The following TRPM3 variants were observed in gnomAD, a reference collection of about 807,000 sequenced individuals.
TRPM3 encodes transient receptor potential cation channel subfamily M member 3, also known as long transient receptor potential channel 3.
In TRPM3, 77 loss-of-function variants were observed where a neutral mutation model predicts 181.2. The observed-to-expected ratio is 0.42, with a 90% confidence interval of 0.35 to 0.51. TRPM3 has a LOEUF of 0.51. Ranked by LOEUF, TRPM3 falls within the 20% of genes least tolerant of loss-of-function variation. The probability of loss-of-function intolerance (pLI) is 0.01; values close to 1 mark genes in which losing one functional copy is unlikely to be tolerated. For missense variants in TRPM3, 1,759 were observed against 2,196.7 expected (o/e 0.80, Z 3.98); for synonymous variants, 745 against 796.4 (o/e 0.94, Z 1.09).
intron 1 of TRPM3, among the ~76,000 whole-genome samples, chr9:70,893,534 G>A (rs1405515291): frequency 1.3e-5 from 2 of 152,060 alleles, no homozygotes; most frequent in South Asian, 2.1e-4. Context: ...TGGTGACTAC[G>A]AATGGTTTAT....
At chr9:70,917,332 A>G in intron 1 of TRPM3, 1 of 1,188,002 alleles carries the variant, frequency 8.4e-7, no homozygotes, top group African/African-American at 1.5e-5. Context: ...ATATTGCTCC[A>G]GAATATGGAG....
intron 1 of TRPM3, among the ~76,000 whole-genome samples, chr9:70,963,574 A>G (rs1443116828): frequency 6.6e-6 from 1 of 152,062 alleles, no homozygotes; most frequent in African/African-American, 2.4e-5. Context: ...TGGTGATAAC[A>G]CTTCGAGGTA....
At position 70,616,034 on chromosome 9, in the gene TRPM3, C is replaced by G. The variant is rs1298568730; in HGVS notation, c.2400G>C (p.Leu800Phe). Reference protein sequence around the residue: ...GILLPPSILSLEFKNKDDMPY... With the variant: ...GILLPPSILSFEFKNKDDMPY... ...GCATGTCGTCTTTGTTCTTGAACTC[C>G]AAGCTGAGAATTGAAGGAGGAAGTA... is the stretch of plus-strand genomic sequence containing the variant. Residue 800 changes from leucine to phenylalanine, a missense_variant, in exon 18 of 26, where the codon TTG becomes TTC. Leu to Phe is a conservative substitution (Grantham distance 22). This residue lies in a region of TRPM3 where 114 missense variants were observed against 134.8 expected (regional missense o/e 0.85). Coordinates refer to ENST00000677713, the MANE Select transcript of TRPM3 (RefSeq NM_001366145.2). 1 of 1,610,214 alleles carries G rather than the reference C, an allele frequency of 6.2e-7. No individual in the cohort carries two copies.
rs1430835502 is a variant in TRPM3 at position 70,653,689 on chromosome 9, A to AG, written c.1346-13030_1346-13029insC. Among the ~76,000 whole-genome samples, 13 of 151,564 alleles carry AG rather than the reference A, an allele frequency of 8.6e-5. No homozygotes were observed. In the East Asian group the frequency reaches 2.5e-3, roughly 29 times the overall value. On this transcript the variant is annotated intron_variant, in intron 9 of 25. Transcript: ENST00000677713. ...TTGCTTCCTGTCTCAAAAAAAAAAA[A>AG]AAAAAAAAAAACAAACCAAACAAAT...
rs765016191 is a variant in TRPM3, at chr9:70,615,967, C to T, written c.2467G>A (p.Glu823Lys). Residue 823 changes from glutamate (E) to lysine (K), a missense_variant, in exon 18 of 26, where the codon GAG becomes AAG. Around this residue, in one of 8 missense-constraint regions of TRPM3, gnomAD observed 114 missense variants for 134.8 expected, o/e 0.85. Coordinates refer to ENST00000677713, the MANE Select transcript of TRPM3 (RefSeq NM_001366145.2). ...GTGGGCTTCTCTGGTTCTTCTGCCTCCTTCTCTTGGAGGTGGATTTCCTGG... is the reference window on the plus strand; with the variant it reads ...GTGGGCTTCTCTGGTTCTTCTGCCTTCTTCTCTTGGAGGTGGATTTCCTGG... The part of the protein sequence containing the change: ...QAQEIHLQEK[E>K]AEEPEKPTKE... 3.1e-6 allele frequency: 5 copies of T among 1,613,024 alleles called. No individual in the cohort carries two copies. The South Asian group carries it at 5.5e-5, about 18-fold the overall frequency.
chr9:70,542,578 A>T (rs2043739405), intron 25 of TRPM3, among the ~76,000 whole-genome samples: 1 of 152,236 alleles, frequency 6.6e-6, no homozygotes, highest in Non-Finnish European at 1.5e-5. Flanking sequence ...ATTCAAAAGA[A>T]GATTATGGTG....
rs148310467 is a variant in TRPM3 at position 71,003,933 on chromosome 9, A to G, written c.177+117245T>C. Among the ~76,000 whole-genome samples the G allele has an allele frequency of 1.4e-3, 207 of 152,282 alleles. 3 individuals carry two copies. The highest frequency in any genetic ancestry group is 4.6e-3 in the African/African-American group (192 of 41,558). Reference sequence around the variant, plus strand: ...GTGCCACACCCTCCTCCAAGATAGAATAACATCACTCACACAGAATTTCCT... The same window carrying G: ...GTGCCACACCCTCCTCCAAGATAGAGTAACATCACTCACACAGAATTTCCT... On this transcript the variant is annotated intron_variant, in intron 1 of 25. Coordinates refer to ENST00000677713, the MANE Select transcript of TRPM3 (RefSeq NM_001366145.2).
intron 1 of TRPM3, among the ~76,000 whole-genome samples, chr9:71,069,334 G>A (rs115407640): frequency 1.0e-3 from 158 of 151,602 alleles, no homozygotes; most frequent in African/African-American, 3.7e-3. Flanking sequence ...GCACCACTGC[G>A]CCTGGCTAAA....
intron 1 of TRPM3, among the ~76,000 whole-genome samples, chr9:71,261,282 C>T (rs113228109): frequency 0.011 from 1,663 of 152,212 alleles, 28 homozygotes; most frequent in East Asian, 0.075. Context: ...TCCTTTCTTC[C>T]GCTGGATTGA....
At chr9:71,197,498 G>C (rs1259512680) in intron 1 of TRPM3, among the ~76,000 whole-genome samples, 1 of 151,882 alleles carries the variant, frequency 6.6e-6, no homozygotes, top group Non-Finnish European at 1.5e-5. Flanking sequence ...CAGTGTAAAA[G>C]TGTTCCTATT....
chr9:71,288,293 C>T (rs1013045563), intron 1 of TRPM3, among the ~76,000 whole-genome samples: 9 of 151,916 alleles, frequency 5.9e-5, no homozygotes, highest in East Asian at 3.9e-4. Flanking sequence ...CTACGATAAA[C>T]GCTATTTTCT....
chr9:70,739,776 T>A (rs1416534521), intron 8 of TRPM3, among the ~76,000 whole-genome samples: 1 of 151,980 alleles, frequency 6.6e-6, no homozygotes, highest in Non-Finnish European at 1.5e-5. Context: ...TGCCACCATG[T>A]CTGGTAAATT....
Position 70,948,444 on chromosome 9 carries a change from A to G in TRPM3, c.178-83933T>C, listed in dbSNP as rs188645598. On this transcript the variant is annotated intron_variant, in intron 1 of 25. Coordinates refer to ENST00000677713, the MANE Select transcript of TRPM3 (RefSeq NM_001366145.2). ...TTCCTTGTTTTTACTCTAATTAAAC[A>G]TAAATCTTGAAAAACAAAGAGCCCT... Among the ~76,000 whole-genome samples the G allele has an allele frequency of 1.7e-4, 26 of 152,300 alleles. No individual in the cohort carries two copies. In the East Asian group the frequency reaches 4.2e-3, roughly 25 times the overall value.
At chr9:70,665,618 T>C (rs2061738113) in intron 9 of TRPM3, among the ~76,000 whole-genome samples, 1 of 152,166 alleles carries the variant, frequency 6.6e-6, no homozygotes, top group Non-Finnish European at 1.5e-5. Flanking sequence ...GTCTGTTTTA[T>C]ACACAATATG....
intron 1 of TRPM3, among the ~76,000 whole-genome samples, chr9:71,372,780 G>A (rs2092558342): frequency 6.6e-6 from 1 of 152,106 alleles, no homozygotes; most frequent in African/African-American, 2.4e-5. Context: ...GGCAAGCTGG[G>A]TAAAGGGTCA....
chr9:71,215,771 T>C (rs918792742), intron 1 of TRPM3, among the ~76,000 whole-genome samples: 1 of 152,208 alleles, frequency 6.6e-6, no homozygotes, highest in African/African-American at 2.4e-5. Flanking sequence ...AGGCACTTGC[T>C]CATTTACTGC....
intron 22 of TRPM3, among the ~76,000 whole-genome samples, chr9:70,580,531 GGGAGTACCTC>G (rs2132335107): frequency 6.6e-6 from 1 of 151,868 alleles, no homozygotes; most frequent in Non-Finnish European, 1.5e-5. Flanking sequence ...CAGAGGGCTT[GGGAGTACCTC>G]GGACACAGAA....
At chr9:71,196,329 C>T (rs568241977) in intron 1 of TRPM3, among the ~76,000 whole-genome samples, 7 of 151,748 alleles carry the variant, frequency 4.6e-5, no homozygotes, top group South Asian at 2.1e-4. Context: ...CACACACATG[C>T]GATCACCAAA....
intron 1 of TRPM3, among the ~76,000 whole-genome samples, chr9:71,083,976 T>C (rs565230851): frequency 1.8e-4 from 28 of 152,122 alleles, no homozygotes; most frequent in African/African-American, 6.0e-4. Context: ...GAACATACTT[T>C]AGAAGATTTA....
Sources: allele counts gnomAD v4.1 joint callset (sites outside exome capture counted in the v4.1 genomes callset), GRCh38; gene constraint gnomAD v4.1.1; regional missense constraint gnomAD v4.1.1; transcripts MANE v1.5; gene names NCBI Gene and HGNC (gene_info 2026-07-23, HGNC 2026-07-21).